The following TYW3 variants were observed in gnomAD, a reference collection of about 807,000 sequenced individuals.
TYW3 encodes tRNA wybutosine-synthesizing protein 3 homolog.
Under a neutral mutation model 23.1 loss-of-function variants are expected in TYW3, and 26 were observed. The observed-to-expected ratio is 1.13, with a 90% CI of 0.83 to 1.56. TYW3 has a LOEUF of 1.56. Among genes scored for constraint, TYW3 ranks in the 40% most tolerant of loss-of-function variants. The probability of loss-of-function intolerance (pLI) is 0.00; values close to 1 mark genes in which losing one functional copy is unlikely to be tolerated. For missense variants in TYW3, 316 were observed against 311.9 expected, an observed-to-expected ratio of 1.01 and a Z score of -0.10; for synonymous variants, 102 against 105.7, an observed-to-expected ratio of 0.97 and a Z score of 0.21.
intron 3 of TYW3, among the ~76,000 whole-genome samples, chr1:74,744,386 A>G (rs1648475756): frequency 6.8e-6 from 1 of 147,806 alleles, no homozygotes; most frequent in Non-Finnish European, 1.5e-5. Context: ...TGTGATGCAG[A>G]AAAAAAAAAA....
chr1:74,747,658 A>G (rs1236065057), intron 3 of TYW3, among the ~76,000 whole-genome samples: 1 of 151,124 alleles, frequency 6.6e-6, no homozygotes, highest in African/African-American at 2.4e-5. Context: ...AAAGAAAAAG[A>G]AAAAAAGAAA....
At chr1:74,738,665 C>G in intron 2 of TYW3, 25 bp from the exon 3 acceptor site, 1 of 1,553,054 alleles carries the variant, frequency 6.4e-7, no homozygotes, top group Non-Finnish European at 8.8e-7. Context: ...ATACTTGCAT[C>G]TGATACCACT....
chr1:74,757,681 A>G (rs190205832), intron 5 of TYW3, among the ~76,000 whole-genome samples: 42 of 152,260 alleles, frequency 2.8e-4, no homozygotes, highest in African/African-American at 7.2e-4. Flanking sequence ...GAAATGAGTT[A>G]AGACTTTGGG....
intron 5 of TYW3, among the ~76,000 whole-genome samples, chr1:74,756,928 A>G (rs1440655520): frequency 6.6e-6 from 1 of 152,228 alleles, no homozygotes; most frequent in African/African-American, 2.4e-5. Context: ...CATGGCTGAA[A>G]GGGACCAATG....
Position 74,733,416 on chromosome 1 carries a change from CG to C in TYW3, c.174+1del. On this transcript the variant is annotated frameshift_variant and splice_region_variant, in exon 1 of 6. Coordinates refer to ENST00000370867, the MANE Select transcript of TYW3 (RefSeq NM_138467.3). LOFTEE classifies it high-confidence loss of function. ...SCAGRILLLD[R>X]GINGFEVQKQ... ...CGCTGGCCGCATCCTACTCCTTGAC[CG>C]GGTGAGGCCCCTTTGCGCCTGTCCA... 6.2e-7 allele frequency: 1 copy of C among 1,614,088 alleles called. No homozygotes were observed. Among genetic ancestry groups the C allele is most frequent in the Non-Finnish European group, 8.5e-7 (1 of 1,179,986 alleles).
intron 3 of TYW3, among the ~76,000 whole-genome samples, chr1:74,747,886 T>C (rs930769077): frequency 5.4e-5 from 8 of 147,336 alleles, no homozygotes; most frequent in Non-Finnish European, 9.1e-5. Context: ...CACACACATA[T>C]ACACATATAC....
At chr1:74,743,306 C>A (rs1648430011) in intron 3 of TYW3, among the ~76,000 whole-genome samples, 1 of 152,110 alleles carries the variant, frequency 6.6e-6, no homozygotes, top group South Asian at 2.1e-4. Context: ...TTTCTCGGAT[C>A]TCGCTTTTCC....
rs113960786 is a variant in TYW3, at chr1:74,746,389, A to G, written c.355-2362A>G. On this transcript the variant is annotated intron_variant, in intron 3 of 5. Coordinates refer to ENST00000370867, the MANE Select transcript of TYW3 (RefSeq NM_138467.3). ...TATCTAACCTTATTTTAGTCTCATT[A>G]TACCACATCACATCACTGATGTGTC... is the stretch of plus-strand genomic sequence containing the variant. 2.0e-3 allele frequency among the ~76,000 whole-genome samples: 297 copies of G among 152,288 alleles called. 2 individuals are homozygous for G. Among genetic ancestry groups the G allele is most frequent in the African/African-American group, 6.9e-3 (285 of 41,562 alleles).
chr1:74,733,629 C>A, intron 1 of TYW3: 1 of 881,554 alleles, frequency 1.1e-6, no homozygotes, highest in Non-Finnish European at 1.4e-6. Context: ...TTTTAAAATA[C>A]AGATCCCGAT....
chr1:74,751,599 G>A (rs905098349), intron 4 of TYW3, among the ~76,000 whole-genome samples: 13 of 152,110 alleles, frequency 8.5e-5, no homozygotes, highest in Non-Finnish European at 1.6e-4. Context: ...GAACCTGGGA[G>A]GCGGAGGTTG....
intron 3 of TYW3, among the ~76,000 whole-genome samples, chr1:74,744,308 G>A (rs1343523075): frequency 6.6e-6 from 1 of 152,048 alleles, no homozygotes; most frequent in Non-Finnish European, 1.5e-5. Flanking sequence ...CTGCAGGATA[G>A]TATTGTAATT....
At chr1:74,757,720 G>C (rs1312698997) in intron 5 of TYW3, among the ~76,000 whole-genome samples, 1 of 152,186 alleles carries the variant, frequency 6.6e-6, no homozygotes, top group Non-Finnish European at 1.5e-5. Context: ...GATTGGTTTT[G>C]AAATGTGAGG....
At chr1:74,737,800 G>T (rs28699073) in intron 2 of TYW3, among the ~76,000 whole-genome samples, 1 of 152,236 alleles carries the variant, frequency 6.6e-6, no homozygotes. Context: ...CAAAAAACAC[G>T]CATACTAGGC....
chr1:74,744,725 A>T (rs887700426), intron 3 of TYW3, among the ~76,000 whole-genome samples: 1 of 152,192 alleles, frequency 6.6e-6, no homozygotes, highest in African/African-American at 2.4e-5. Context: ...ATGAAGTTGC[A>T]GACACTCATG....
intron 5 of TYW3, 92 bp from the exon 6 acceptor site, chr1:74,763,802 G>T: frequency 1.1e-6 from 1 of 948,266 alleles, no homozygotes; most frequent in Non-Finnish European, 1.6e-6. Flanking sequence ...ATGGGACATA[G>T]TCAAATTTAC....
rs772061654 is a variant in TYW3 at position 74,733,414 on chromosome 1, A to C, written c.170A>C (p.Asp57Ala). The C allele has an allele frequency of 7.4e-6, 12 of 1,613,974 alleles. No individual in the cohort carries two copies. The highest frequency in any genetic ancestry group is 1.0e-5 in the Non-Finnish European group (12 of 1,180,012). ...TGCGCTGGCCGCATCCTACTCCTTG[A>C]CCGGGTGAGGCCCCTTTGCGCCTGT... is the stretch of plus-strand genomic sequence containing the variant. ...SSCAGRILLL[D>A]RGINGFEVQK... is the part of the protein sequence containing the mutation. Residue 57 changes from aspartate (D) to alanine (A), a missense_variant, in exon 1 of 6, where the codon GAC becomes GCC. Physicochemically the swap from Asp to Ala is moderately radical, Grantham distance 126 (BLOSUM62 -2). Transcript: ENST00000370867.
chr1:74,735,219 CTAGTA>C (rs1187923650), intron 1 of TYW3, among the ~76,000 whole-genome samples: 1 of 152,230 alleles, frequency 6.6e-6, no homozygotes, highest in African/African-American at 2.4e-5. Flanking sequence ...AATGCTTACT[CTAGTA>C]TACCTTTCAA....
intron 1 of TYW3, among the ~76,000 whole-genome samples, chr1:74,735,183 C>A (rs1051353864): frequency 1.3e-5 from 2 of 152,210 alleles, no homozygotes; most frequent in African/African-American, 2.4e-5. Context: ...TGTTTTATTA[C>A]ACATTTTTCT....
intron 5 of TYW3, among the ~76,000 whole-genome samples, chr1:74,763,588 G>T (rs1444318807): frequency 6.6e-6 from 1 of 151,936 alleles, no homozygotes; most frequent in African/African-American, 2.4e-5. Flanking sequence ...TACCTAAAAT[G>T]AGCCATTACA....
Sources: gnomAD v4.1 joint callset for allele counts (sites outside exome capture counted in the v4.1 genomes callset) on GRCh38, gnomAD v4.1.1 for gene constraint, MANE v1.5 for transcripts, NCBI Gene and HGNC (gene_info 2026-07-23, HGNC 2026-07-21) for gene names.